PALLD: variants seen among roughly 807,000 people sequenced by gnomAD.
The protein encoded by PALLD is palladin.
A neutral mutation model predicts 123.5 loss-of-function variants in PALLD; 61 were observed. That is an observed-to-expected ratio of 0.49 (90% CI 0.40 to 0.61). PALLD has a LOEUF of 0.61. Among genes scored for constraint, PALLD ranks in the 20% least tolerant of loss-of-function variants. PALLD has a pLI of 0.00. For synonymous variants in PALLD, 465 were observed against 496.4 expected (o/e 0.94, Z 0.84); for missense variants, 1,273 against 1,377.0 (o/e 0.92, Z 1.20).
At chr4:168,547,945 CAAAAAA>C (rs33961230) in intron 2 of PALLD, among the ~76,000 whole-genome samples, 1 of 81,156 alleles carries the variant, frequency 1.2e-5, no homozygotes, top group Admixed American at 1.4e-4. Flanking sequence ...GACTCCGTCT[CAAAAAA>C]AAAAAAAAAA....
intron 2 of PALLD, among the ~76,000 whole-genome samples, chr4:168,525,167 G>A (rs942018567): frequency 1.3e-5 from 2 of 152,140 alleles, no homozygotes; most frequent in Admixed American, 6.5e-5. Context: ...GCCTAAAATC[G>A]AGGAAGAAAG....
chr4:168,523,866 C>A (rs1373465638), intron 2 of PALLD, among the ~76,000 whole-genome samples: 3 of 152,160 alleles, frequency 2.0e-5, no homozygotes, highest in South Asian at 4.1e-4. Flanking sequence ...TCTAAAGTCA[C>A]CAATTAAAAT....
chr4:168,833,913 A>G (rs992393788), intron 10 of PALLD, among the ~76,000 whole-genome samples: 2 of 149,346 alleles, frequency 1.3e-5, no homozygotes, highest in African/African-American at 5.0e-5. Flanking sequence ...AAGATTTATA[A>G]CTTGAGGGAG....
At chr4:168,921,974 G>A (rs1761603707) in intron 18 of PALLD, among the ~76,000 whole-genome samples, 1 of 151,800 alleles carries the variant, frequency 6.6e-6, no homozygotes, top group Non-Finnish European at 1.5e-5. Context: ...AGCTCTTTTG[G>A]GTCATTCGAC....
chr4:168,686,997 T>C (rs1782126194), intron 6 of PALLD, among the ~76,000 whole-genome samples: 1 of 152,202 alleles, frequency 6.6e-6, no homozygotes, highest in Non-Finnish European at 1.5e-5. Context: ...TGCAAATTGC[T>C]GGAGAAAGAA....
At chr4:168,579,611 A>T (rs1353941600) in intron 2 of PALLD, among the ~76,000 whole-genome samples, 1 of 152,120 alleles carries the variant, frequency 6.6e-6, no homozygotes, top group Non-Finnish European at 1.5e-5. Flanking sequence ...TAACAAATTA[A>T]AAAATATGAG....
At chr4:168,908,779 A>G (rs1434728155) in intron 15 of PALLD, among the ~76,000 whole-genome samples, 1 of 152,198 alleles carries the variant, frequency 6.6e-6, no homozygotes, top group Non-Finnish European at 1.5e-5. Flanking sequence ...TGAAACACAG[A>G]CGGTAGAGCT....
At chr4:168,845,876 C>G (rs969206213) in intron 10 of PALLD, among the ~76,000 whole-genome samples, 8 of 152,216 alleles carry the variant, frequency 5.3e-5, no homozygotes, top group African/African-American at 1.4e-4. Flanking sequence ...TTAAGCAGCA[C>G]TTTTGCCAAT....
At chr4:168,855,713 A>G (rs1343033232) in intron 10 of PALLD, among the ~76,000 whole-genome samples, 2 of 152,198 alleles carry the variant, frequency 1.3e-5, no homozygotes, top group Non-Finnish European at 2.9e-5. Context: ...CCACATTTGG[A>G]CACTGAATTA....
chr4:168,894,957 T>G (rs1050888249), intron 12 of PALLD, among the ~76,000 whole-genome samples: 1 of 152,228 alleles, frequency 6.6e-6, no homozygotes, highest in Non-Finnish European at 1.5e-5. Flanking sequence ...TATCCTAAGT[T>G]TTATGCAAAA....
chr4:168,877,916 GC>G lies in PALLD; in HGVS notation c.1965-13001del, dbSNP rs1751995307. 2.0e-6 allele frequency: 3 copies of G among 1,481,370 alleles called. No homozygotes were observed. The highest frequency in any genetic ancestry group is 1.5e-5 in the African/African-American group (1 of 68,266). 91.8% of individuals were successfully genotyped at this position (1,481,370 alleles called of 1,614,324 possible). On this transcript the variant is annotated intron_variant, in intron 10 of 21. Coordinates refer to ENST00000505667, the MANE Select transcript of PALLD (RefSeq NM_001166108.2). ...CATGAGCGCGCTGGCCTCCCGCTCC[GC>G]CCCCGCCATGCAGTCCTCCGGCTCC...
chr4:168,691,387 G>A (rs367787479), intron 8 of PALLD, 95 bp downstream of exon 8: 79 of 1,004,616 alleles, frequency 7.9e-5, no homozygotes, highest in Admixed American at 4.7e-4. Context: ...CCTTAAAGCC[G>A]TAAGCAGAAC....
chr4:168,864,467 C>T (rs536444072), intron 10 of PALLD: 1 of 152,342 alleles, frequency 6.6e-6, no homozygotes, highest in African/African-American at 2.4e-5. Context: ...ACCAAACGTA[C>T]TTATTACTCA....
At chr4:168,636,996 G>T (rs1270792559) in intron 2 of PALLD, among the ~76,000 whole-genome samples, 1 of 152,154 alleles carries the variant, frequency 6.6e-6, no homozygotes, top group Non-Finnish European at 1.5e-5. Context: ...CTGTAAGAGA[G>T]ATCAGAAAAC....
chr4:168,700,549 T>C (rs1783575901), intron 8 of PALLD: 1 of 152,178 alleles, frequency 6.6e-6, no homozygotes, highest in East Asian at 1.9e-4. Flanking sequence ...ACAAAGCAAG[T>C]GTTTTTTTCC....
At chr4:168,600,324 T>C (rs1772511323) in intron 2 of PALLD, among the ~76,000 whole-genome samples, 1 of 152,214 alleles carries the variant, frequency 6.6e-6, no homozygotes, top group Admixed American at 6.5e-5. Context: ...GACAGAGGAC[T>C]TCTACTTATA....
chr4:168,649,605 T>C (rs766437812), intron 2 of PALLD, among the ~76,000 whole-genome samples: 10 of 152,190 alleles, frequency 6.6e-5, no homozygotes, highest in Non-Finnish European at 1.2e-4. Context: ...GCCAGCTAAC[T>C]TTATTGGGTA....
intron 10 of PALLD, among the ~76,000 whole-genome samples, chr4:168,808,087 TA>T (rs1740495549): frequency 6.6e-6 from 1 of 151,986 alleles, no homozygotes; most frequent in African/African-American, 2.4e-5. Context: ...CTCATATGTG[TA>T]ATATAAGTAC....
intron 3 of PALLD, among the ~76,000 whole-genome samples, chr4:168,670,341 C>T (rs1005170866): frequency 3.3e-5 from 5 of 152,192 alleles, no homozygotes; most frequent in African/African-American, 7.2e-5. Flanking sequence ...TAAGATCCTA[C>T]TAAGTGCCAC....
Sources: allele counts gnomAD v4.1 joint callset (sites outside exome capture counted in the v4.1 genomes callset), GRCh38; gene constraint gnomAD v4.1.1; transcripts MANE v1.5; gene names NCBI Gene and HGNC (gene_info 2026-07-23, HGNC 2026-07-21).